The following CDK6 variants were observed in gnomAD, a reference collection of about 807,000 sequenced individuals.
The protein encoded by CDK6 is cyclin-dependent kinase 6.
CDK6 carries 6 observed loss-of-function variants against 37.1 expected under a neutral mutation model. The observed-to-expected ratio is 0.16, with a 90% CI of 0.09 to 0.32. CDK6 has a LOEUF of 0.32. Ranked by LOEUF, CDK6 falls within the 10% of genes least tolerant of loss-of-function variation. CDK6 has a pLI of 1.00. For missense variants in CDK6, 224 were observed against 418.9 expected, an observed-to-expected ratio of 0.53 and a Z score of 4.06; for synonymous variants, 160 against 161.3, an observed-to-expected ratio of 0.99 and a Z score of 0.06.
chr7:92,661,399 T>A (rs1464643402), intron 5 of CDK6, among the ~76,000 whole-genome samples: 1 of 152,156 alleles, frequency 6.6e-6, no homozygotes, highest in Non-Finnish European at 1.5e-5. Flanking sequence ...CCCTGTGCAG[T>A]CAAAAGTCCA....
chr7:92,764,262 C>A (rs1295648368), intron 3 of CDK6, among the ~76,000 whole-genome samples: 1 of 152,040 alleles, frequency 6.6e-6, no homozygotes, highest in East Asian at 1.9e-4. Context: ...CCTCAGTCTC[C>A]TGAGCAGCTG....
intron 3 of CDK6, among the ~76,000 whole-genome samples, chr7:92,742,100 A>C (rs1373919544): frequency 6.6e-6 from 1 of 152,216 alleles, no homozygotes; most frequent in African/African-American, 2.4e-5. Flanking sequence ...GTTGTTTTTA[A>C]GATTTACTCA....
At chr7:92,774,587 C>T (rs189812172) in intron 3 of CDK6, 109 bp downstream of exon 3, 123 of 959,306 alleles carry the variant, frequency 1.3e-4, no homozygotes, top group Admixed American at 9.9e-4. Flanking sequence ...AACTATATAC[C>T]GAATTCTAAA....
At position 92,820,207 on chromosome 7, in the gene CDK6, C is replaced by T. The variant is rs73416973; in HGVS notation, c.233+12884G>A. On this transcript the variant is annotated intron_variant, in intron 2 of 7. Coordinates refer to ENST00000424848, the MANE Select transcript of CDK6 (RefSeq NM_001145306.2). ...AGTCATGGCCTGAATAAAAAGTACA[C>T]GAAAATAGGGCATATTTTAAACAAG... 5.3e-3 allele frequency among the ~76,000 whole-genome samples: 802 copies of T among 151,992 alleles called. 4 individuals are homozygous for T. The highest frequency in any genetic ancestry group is 0.018 in the African/African-American group (742 of 41,464).
chr7:92,690,133 T>A (rs1797569158), intron 4 of CDK6, among the ~76,000 whole-genome samples: 1 of 152,188 alleles, frequency 6.6e-6, no homozygotes, highest in Admixed American at 6.5e-5. Context: ...TTTAGTTAAC[T>A]TCCGTTTGTC....
At chr7:92,680,921 A>G (rs1475126113) in intron 4 of CDK6, among the ~76,000 whole-genome samples, 1 of 152,182 alleles carries the variant, frequency 6.6e-6, no homozygotes, top group Non-Finnish European at 1.5e-5. Context: ...GCACTTCTAT[A>G]GTACTTGACC....
chr7:92,785,033 G>A (rs560697674), intron 2 of CDK6, among the ~76,000 whole-genome samples: 3 of 152,212 alleles, frequency 2.0e-5, no homozygotes, highest in African/African-American at 7.2e-5. Flanking sequence ...TTTTAGAGAC[G>A]AAGAAATAGA....
intron 2 of CDK6, among the ~76,000 whole-genome samples, chr7:92,801,837 G>T (rs116104271): frequency 0.02 from 3,114 of 151,982 alleles, 84 homozygotes; most frequent in African/African-American, 0.071. Flanking sequence ...GCCCAGACTG[G>T]TCTCAAGCTC....
chr7:92,605,580 T>C lies in CDK6; in HGVS notation c.*9560A>G, dbSNP rs1478856212. The C allele has an allele frequency of 4.3e-6, 1 of 233,128 alleles. No homozygotes were observed. Among genetic ancestry groups the C allele is most frequent in the Non-Finnish European group, 8.5e-6 (1 of 118,020 alleles). The allele number at this position is 233,128 out of a possible 1,614,324, so 14.4% of individuals were successfully genotyped here. On this transcript the variant is annotated 3_prime_UTR_variant, in exon 8 of 8. Transcript: ENST00000424848. The stretch of plus-strand genomic sequence containing the variant: ...AGGGTATAGATAAACTGGCTATATT[T>C]TCATCTGCCTCTTGGGAAAGGAGCA...
chr7:92,836,212 C>T (rs1801668180), intron 1 of CDK6, among the ~76,000 whole-genome samples: 1 of 133,378 alleles, frequency 7.5e-6, no homozygotes, highest in Non-Finnish European at 1.7e-5. Context: ...ATCTCGGTGT[C>T]GCGGGTGTCC....
intron 5 of CDK6, among the ~76,000 whole-genome samples, chr7:92,647,039 C>T (rs961226784): frequency 4.6e-5 from 7 of 152,142 alleles, no homozygotes; most frequent in African/African-American, 9.7e-5. Flanking sequence ...AAGGAGCAAA[C>T]GATGCATTTG....
At chr7:92,820,329 G>C (rs1801141617) in intron 2 of CDK6, among the ~76,000 whole-genome samples, 1 of 152,058 alleles carries the variant, frequency 6.6e-6, no homozygotes, top group Non-Finnish European at 1.5e-5. Flanking sequence ...TGGAGAGAAG[G>C]AAACATAAGG....
At chr7:92,757,938 A>G (rs936603896) in intron 3 of CDK6, among the ~76,000 whole-genome samples, 12 of 152,106 alleles carry the variant, frequency 7.9e-5, no homozygotes, top group Non-Finnish European at 1.0e-4. Context: ...ATGCTTGTTG[A>G]CCACATGTAT....
intron 5 of CDK6, among the ~76,000 whole-genome samples, chr7:92,650,681 T>C (rs1034603669): frequency 3.3e-5 from 5 of 152,116 alleles, no homozygotes; most frequent in African/African-American, 1.2e-4. Flanking sequence ...TCATACGTGA[T>C]TGTTGGCTGA....
intron 2 of CDK6, among the ~76,000 whole-genome samples, chr7:92,795,293 T>C (rs892103259): frequency 6.6e-6 from 1 of 152,096 alleles, no homozygotes; most frequent in Admixed American, 6.6e-5. Flanking sequence ...TACCCTTAAA[T>C]CCAAGGAATG....
intron 4 of CDK6, among the ~76,000 whole-genome samples, chr7:92,702,220 C>CTTTTTTTTTTTTTTTTTTTTTT (rs3066453): frequency 2.2e-5 from 1 of 44,960 alleles, no homozygotes; most frequent in African/African-American, 9.9e-5. Flanking sequence ...CAAGTATATT[C>CTTTTTTTTTTTTTTTTTTTTTT]TTTTTTTTTT....
rs1795437459 is a variant in CDK6 at position 92,606,717 on chromosome 7, A to AAG, written c.*8422_*8423insCT. The stretch of plus-strand genomic sequence containing the variant: ...TTACTGTATGTGACAGTCTTCCTGA[A>AAG]ACCTAAGAGAAAGTTTTAACCAGGC... On this transcript the variant is annotated 3_prime_UTR_variant, in exon 8 of 8. Transcript: ENST00000424848. 1.3e-5 allele frequency: 3 copies of AAG among 233,112 alleles called. No homozygotes were observed. Among genetic ancestry groups the AAG allele is most frequent in the Non-Finnish European group, 2.5e-5 (3 of 118,038 alleles). The allele number at this position is 233,112 out of a possible 1,614,324, so 14.4% of individuals were successfully genotyped here.
intron 5 of CDK6, among the ~76,000 whole-genome samples, chr7:92,648,173 T>C (rs1796493857): frequency 6.6e-6 from 1 of 152,110 alleles, no homozygotes; most frequent in African/African-American, 2.4e-5. Flanking sequence ...CCTATGGGAA[T>C]TGGGAATCTG....
At chr7:92,812,580 C>G (rs1367132982) in intron 2 of CDK6, among the ~76,000 whole-genome samples, 1 of 152,008 alleles carries the variant, frequency 6.6e-6, no homozygotes, top group East Asian at 1.9e-4. Flanking sequence ...GCCACTATAC[C>G]TGGCTAAATT....
Sources: allele counts gnomAD v4.1 joint callset (sites outside exome capture counted in the v4.1 genomes callset), GRCh38; gene constraint gnomAD v4.1.1; transcripts MANE v1.5; gene names NCBI Gene and HGNC (gene_info 2026-07-23, HGNC 2026-07-21).